Variants in CELF2 observed in about 807,000 individuals in gnomAD.
CELF2 encodes the protein CUG triplet repeat RNA-binding protein 2.
Under a neutral mutation model 62.6 loss-of-function variants are expected in CELF2, and 8 were observed. The observed-to-expected ratio is 0.13, with a 90% CI of 0.07 to 0.23. CELF2 has a LOEUF of 0.23. Among genes scored for constraint, CELF2 ranks in the 10% least tolerant of loss-of-function variants. The pLI is 1.00. For missense variants in CELF2, 333 were observed against 671.0 expected, an observed-to-expected ratio of 0.50 and a Z score of 5.56; for synonymous variants, 258 against 250.0, an observed-to-expected ratio of 1.03 and a Z score of -0.30.
the CELF2 span, among the ~76,000 whole-genome samples, chr10:10,707,823 A>G: frequency 6.6e-6 from 1 of 152,208 alleles, no homozygotes; most frequent in African/African-American, 2.4e-5. Context: ...ATTCGTTTAA[A>G]TCAACTATTA....
the CELF2 span, among the ~76,000 whole-genome samples, chr10:10,512,569 G>T: frequency 6.6e-6 from 1 of 150,774 alleles, no homozygotes; most frequent in Non-Finnish European, 1.5e-5. Flanking sequence ...GCGCCACCAG[G>T]CCCGGCTAAC....
In CELF2 at chr10:11,288,409, C is replaced by G. The variant is rs1466166212; in HGVS notation, c.842-9C>G. The G allele has an allele frequency of 6.2e-7, 1 of 1,613,438 alleles. No homozygotes were observed. The highest frequency in any genetic ancestry group is 8.5e-7 in the Non-Finnish European group (1 of 1,179,766). ...TGTTGCTGAAAGTAACTTTCTCTTC[C>G]CTCCACAGGCATGAATGCTTTACAG... On this transcript the variant is annotated splice_polypyrimidine_tract_variant and intron_variant, in intron 8 of 12. Coordinates refer to ENST00000633077, the MANE Select transcript of CELF2 (RefSeq NM_001326342.2).
At chr10:10,466,880 G>A in the CELF2 span, among the ~76,000 whole-genome samples, 1 of 151,840 alleles carries the variant, frequency 6.6e-6, no homozygotes, top group Non-Finnish European at 1.5e-5. Context: ...ATTTTTATTG[G>A]GCTCCATGTG....
At chr10:10,841,069 T>C (rs1229067621) in intron 1 of CELF2, among the ~76,000 whole-genome samples, 3 of 152,202 alleles carry the variant, frequency 2.0e-5, no homozygotes, top group Non-Finnish European at 4.4e-5. Context: ...ATGTGCCACA[T>C]TTTCTTTATC....
the CELF2 span, among the ~76,000 whole-genome samples, chr10:10,585,154 T>A: frequency 1.3e-5 from 2 of 152,198 alleles, no homozygotes; most frequent in Non-Finnish European, 2.9e-5. Context: ...ATGCTCCTAC[T>A]AATTCATGTA....
At position 11,025,207 on chromosome 10, in the gene CELF2, A is replaced by ATATG. The variant is rs1554779112; in HGVS notation, c.74+7045_74+7046insATGT. The stretch of plus-strand genomic sequence containing the variant: ...AATATGTGTGGGGGTATATACATAT[A>ATATG]TGTGTGTGTGTGTGTGTGTGTGTGT... On this transcript the variant is annotated intron_variant, in intron 1 of 12. Transcript: ENST00000633077. 6.4e-4 allele frequency among the ~76,000 whole-genome samples: 91 copies of ATATG among 141,252 alleles called. 1 individual carries two copies. The highest frequency in any genetic ancestry group is 2.3e-3 in the African/African-American group (89 of 38,234). The allele number at this position is 141,252 out of a possible 152,430, so 92.7% of individuals were successfully genotyped here. A position where few individuals can be genotyped will look rare whatever the true frequency, so the allele number is the denominator to read the frequency against.
the CELF2 span, among the ~76,000 whole-genome samples, chr10:10,726,671 T>C: frequency 6.6e-6 from 1 of 152,216 alleles, no homozygotes; most frequent in Non-Finnish European, 1.5e-5. Context: ...TAATGTTTAC[T>C]TTGGGGGGAA....
chr10:10,488,692 G>A, the CELF2 span, among the ~76,000 whole-genome samples: 1 of 152,032 alleles, frequency 6.6e-6, no homozygotes, highest in Non-Finnish European at 1.5e-5. Context: ...TTTCTCAACA[G>A]AGATTTGTTT....
chr10:10,641,391 T>C, the CELF2 span, among the ~76,000 whole-genome samples: 1 of 152,136 alleles, frequency 6.6e-6, no homozygotes, highest in East Asian at 1.9e-4. Flanking sequence ...ATGTACTAAG[T>C]ATTGTTTTTC....
rs897951817 is a variant in CELF2, at chr10:11,156,089, A to G, written c.75-9397A>G. On this transcript the variant is annotated intron_variant, in intron 1 of 12. Transcript: ENST00000633077. The surrounding 1 kb of genome is among the most constrained non-coding windows in gnomAD (Gnocchi z 4.3). Reference sequence around the variant, plus strand: ...TTAGTCCAAATTAGGAAAGCCCACCAACCAGTTTTATATTAATAATAATGT... The same window carrying G: ...TTAGTCCAAATTAGGAAAGCCCACCGACCAGTTTTATATTAATAATAATGT... Among the ~76,000 whole-genome samples, 4 of 152,230 alleles carry G rather than the reference A, an allele frequency of 2.6e-5. No homozygotes were observed. Among genetic ancestry groups the G allele is most frequent in the Non-Finnish European group, 5.9e-5 (4 of 68,032 alleles).
intron 1 of CELF2, among the ~76,000 whole-genome samples, chr10:11,139,322 T>C (rs1009216126): frequency 6.6e-6 from 1 of 152,252 alleles, no homozygotes; most frequent in Non-Finnish European, 1.5e-5. Flanking sequence ...AAATTTAAAA[T>C]TTTAAATGAA....
the CELF2 span, among the ~76,000 whole-genome samples, chr10:10,628,943 T>C: frequency 6.6e-6 from 1 of 152,288 alleles, no homozygotes; most frequent in Middle Eastern, 3.4e-3. Flanking sequence ...AAATAAGGGG[T>C]ACTTTCTAAT....
intron 1 of CELF2, among the ~76,000 whole-genome samples, chr10:10,872,809 C>T (rs1331634824): frequency 9.9e-5 from 15 of 152,166 alleles, no homozygotes; most frequent in Admixed American, 9.8e-4. Flanking sequence ...GACTTGAAAC[C>T]TGTAAAATCA....
chr10:11,210,672 C>A (rs374783671), intron 2 of CELF2, among the ~76,000 whole-genome samples: 15 of 152,170 alleles, frequency 9.9e-5, no homozygotes. Context: ...TTGCTTCAGG[C>A]GGGTGGCTGC....
intron 1 of CELF2, among the ~76,000 whole-genome samples, chr10:10,859,129 T>C (rs1336890278): frequency 6.6e-6 from 1 of 152,162 alleles, no homozygotes; most frequent in East Asian, 1.9e-4. Context: ...GTTTTCCTTT[T>C]TTGCCATTCT....
intron 9 of CELF2, among the ~76,000 whole-genome samples, chr10:11,291,467 TA>T (rs772869985): frequency 1.3e-5 from 2 of 152,174 alleles, no homozygotes; most frequent in African/African-American, 2.4e-5. Context: ...AAAATTAAAA[TA>T]GTTTAAATTG....
At chr10:11,033,780 T>C (rs1409739329) in intron 1 of CELF2, among the ~76,000 whole-genome samples, 1 of 152,204 alleles carries the variant, frequency 6.6e-6, no homozygotes, top group Non-Finnish European at 1.5e-5. Context: ...ACAGTGTGAG[T>C]CAGAAAATAC....
chr10:11,133,239 T>C (rs1233788413), intron 1 of CELF2, among the ~76,000 whole-genome samples: 4 of 152,180 alleles, frequency 2.6e-5, no homozygotes, highest in Non-Finnish European at 4.4e-5. Flanking sequence ...GACAACCAGG[T>C]AGAGTAACAG....
rs369919979 is a variant in CELF2, at chr10:11,199,126, T to C, written c.272-18299T>C. ...ATGACTGTTCTCTAGTGGCGAGAGA[T>C]TGTCAAGGAAGAAATGAACAGTTTT... On this transcript the variant is annotated intron_variant, in intron 2 of 12. Coordinates refer to ENST00000633077, the MANE Select transcript of CELF2 (RefSeq NM_001326342.2). Among the ~76,000 whole-genome samples the C allele has an allele frequency of 1.1e-4, 17 of 152,224 alleles. No individual in the cohort carries two copies. The East Asian group carries it at 2.9e-3, about 26-fold the overall frequency.
Sources: allele counts gnomAD v4.1 joint callset (sites outside exome capture counted in the v4.1 genomes callset), GRCh38; gene constraint gnomAD v4.1.1; non-coding constraint Gnocchi (gnomAD v3.1); transcripts MANE v1.5; gene names NCBI Gene and HGNC (gene_info 2026-07-23, HGNC 2026-07-21).